The following ACYP2 variants were observed in gnomAD, a reference collection of about 807,000 sequenced individuals.
The protein encoded by ACYP2 is acylphosphatase-2.
A neutral mutation model predicts 11.2 loss-of-function variants in ACYP2; 12 were observed. The ratio of observed to expected loss-of-function variants is 1.08; its 90% CI spans 0.69 to 1.74. The LOEUF is 1.74. Among genes scored for constraint, ACYP2 ranks in the 40% most tolerant of loss-of-function variants. The probability of loss-of-function intolerance (pLI) is 0.00; values close to 1 mark genes in which losing one functional copy is unlikely to be tolerated. For missense variants in ACYP2, 134 were observed against 101.9 expected (o/e 1.31, Z -1.35); for synonymous variants, 43 against 32.2 (o/e 1.33, Z -1.13).
chr2:54,228,876 G>T (rs1320013439), intron 6 of ACYP2, among the ~76,000 whole-genome samples: 3 of 152,056 alleles, frequency 2.0e-5, no homozygotes, highest in Non-Finnish European at 4.4e-5. Flanking sequence ...GGGATACAGG[G>T]CAAGGAAACT....
chr2:54,209,983 A>C (rs1221725680), intron 6 of ACYP2, among the ~76,000 whole-genome samples: 4 of 152,100 alleles, frequency 2.6e-5, no homozygotes, highest in Non-Finnish European at 5.9e-5. Context: ...TCTACTAAAA[A>C]TACAAAAATT....
At chr2:54,275,267 C>A (rs1047843478) in intron 6 of ACYP2, among the ~76,000 whole-genome samples, 3 of 152,200 alleles carry the variant, frequency 2.0e-5, no homozygotes, top group Non-Finnish European at 2.9e-5. Flanking sequence ...AGCAGCCAGA[C>A]TAATATGAAC....
chr2:53,971,233 T>A lies in ACYP2; in HGVS notation c.-125T>A, dbSNP rs972653540. 30 of 157,328 alleles carry A rather than the reference T, an allele frequency of 1.9e-4. No individual in the cohort carries two copies. The highest frequency in any genetic ancestry group is 7.0e-4 in the African/African-American group (29 of 41,634). 9.7% of individuals were successfully genotyped at this position (157,328 alleles called of 1,614,324 possible). On this transcript the variant is annotated 5_prime_UTR_variant, in exon 1 of 7. Transcript: ENST00000607452. ...GCCTCACCGGAAACACGAGGCCGAATTCCAAGCTATTGTCCTGCTTCGCCG... is the reference window on the plus strand; with the variant it reads ...GCCTCACCGGAAACACGAGGCCGAAATCCAAGCTATTGTCCTGCTTCGCCG...
intron 6 of ACYP2, chr2:54,256,340 C>T (rs770726901): frequency 1.6e-5 from 10 of 622,304 alleles, no homozygotes; most frequent in Non-Finnish European, 2.3e-5. Context: ...GGTGTCTTTA[C>T]GTCTTTGTTA....
intron 6 of ACYP2, among the ~76,000 whole-genome samples, chr2:54,212,677 T>A (rs1176432972): frequency 1.3e-5 from 2 of 152,264 alleles, no homozygotes; most frequent in Admixed American, 1.3e-4. Context: ...TCCTCATTAG[T>A]CAGCTCACCC....
intron 6 of ACYP2, among the ~76,000 whole-genome samples, chr2:54,233,307 T>G (rs954179016): frequency 1.7e-4 from 25 of 144,710 alleles, no homozygotes; most frequent in African/African-American, 6.0e-4. Context: ...CTTCCAAACT[T>G]TTTTTTTTTT....
intron 2 of ACYP2, among the ~76,000 whole-genome samples, chr2:53,976,487 G>T (rs375203894): frequency 6.6e-6 from 1 of 152,152 alleles, no homozygotes; most frequent in Non-Finnish European, 1.5e-5. Context: ...GATTACAGGG[G>T]TTAGCCACCA....
At chr2:54,277,476 G>A (rs1688649139) in intron 6 of ACYP2, among the ~76,000 whole-genome samples, 1 of 152,044 alleles carries the variant, frequency 6.6e-6, no homozygotes, top group South Asian at 2.1e-4. Flanking sequence ...TCAGGAGTTC[G>A]AGACCAGCCT....
intron 2 of ACYP2, among the ~76,000 whole-genome samples, chr2:54,042,963 C>T (rs1675317158): frequency 6.6e-6 from 1 of 152,184 alleles, no homozygotes; most frequent in Non-Finnish European, 1.5e-5. Flanking sequence ...AATGCTCTGT[C>T]TACCTTGCTC....
intron 6 of ACYP2, among the ~76,000 whole-genome samples, chr2:54,163,293 A>G (rs1572874959): frequency 6.6e-6 from 1 of 152,166 alleles, no homozygotes; most frequent in Non-Finnish European, 1.5e-5. Context: ...TTCCTTTTCA[A>G]TCACAGTGGG....
chr2:54,202,493 T>G (rs894538182), intron 6 of ACYP2, among the ~76,000 whole-genome samples: 1 of 145,942 alleles, frequency 6.9e-6, no homozygotes, highest in Non-Finnish European at 1.5e-5. Context: ...CTGCAACCTC[T>G]GCCTCCCGGG....
chr2:54,052,110 TGAG>T (rs1272031854), intron 3 of ACYP2, among the ~76,000 whole-genome samples: 1 of 150,704 alleles, frequency 6.6e-6, no homozygotes, highest in Non-Finnish European at 1.5e-5. Flanking sequence ...ATGAAGAGGA[TGAG>T]GAGAAGGAGG....
At position 54,089,734 on chromosome 2, in the gene ACYP2, G is replaced by A. The variant is rs184514548; in HGVS notation, c.277+32374G>A. On this transcript the variant is annotated intron_variant, in intron 4 of 6. Transcript: ENST00000607452. Reference sequence around the variant, plus strand: ...CAGCCTGGGCAACAGAGTGAGACGCGGTCCCAAAACCAAACAGCAATTACT... The same window carrying A: ...CAGCCTGGGCAACAGAGTGAGACGCAGTCCCAAAACCAAACAGCAATTACT... Among the ~76,000 whole-genome samples the A allele has an allele frequency of 1.2e-3, 184 of 150,506 alleles. 1 individual carries two copies. The highest frequency in any genetic ancestry group is 4.3e-3 in the African/African-American group (178 of 40,944).
rs149984468 is a variant in ACYP2, at chr2:54,044,251, A to C, written c.63-6707A>C. On this transcript the variant is annotated intron_variant, in intron 2 of 6. Coordinates refer to ENST00000607452, the MANE Select transcript of ACYP2 (RefSeq NM_001320586.2). The stretch of plus-strand genomic sequence containing the variant: ...GAATATGTCATCCTCTCAGCTCCAG[A>C]CTTTCCACTGAATAAAGGTGCCAAG... Among the ~76,000 whole-genome samples, 51 of 152,274 alleles carry C rather than the reference A, an allele frequency of 3.3e-4. No individual in the cohort carries two copies. In the East Asian group the frequency reaches 8.3e-3, roughly 25 times the overall value.
intron 4 of ACYP2, among the ~76,000 whole-genome samples, chr2:54,097,068 A>G (rs1376732100): frequency 1.3e-5 from 2 of 152,196 alleles, no homozygotes; most frequent in Non-Finnish European, 2.9e-5. Flanking sequence ...TAATCCATGA[A>G]CATAATTAAA....
intron 2 of ACYP2, among the ~76,000 whole-genome samples, chr2:54,004,404 C>CT (rs1168703943): frequency 0.079 from 7,269 of 91,964 alleles, 277 homozygotes; most frequent in African/African-American, 0.11. Context: ...GTAGTTTAGC[C>CT]TTTTTTTTTT....
At chr2:54,043,183 C>T (rs1675336607) in intron 2 of ACYP2, among the ~76,000 whole-genome samples, 1 of 152,038 alleles carries the variant, frequency 6.6e-6, no homozygotes, top group East Asian at 1.9e-4. Context: ...TCAGGATTGC[C>T]AAACCCCAGA....
chr2:54,218,426 A>T (rs1316805782), intron 6 of ACYP2, among the ~76,000 whole-genome samples: 1 of 152,220 alleles, frequency 6.6e-6, no homozygotes, highest in Non-Finnish European at 1.5e-5. Context: ...CTTGTATTCA[A>T]TTGACAGCTT....
chr2:54,106,863 C>A (rs749916869), intron 4 of ACYP2, among the ~76,000 whole-genome samples: 1 of 152,116 alleles, frequency 6.6e-6, no homozygotes, highest in African/African-American at 2.4e-5. Flanking sequence ...GGATTACAAG[C>A]GTGAGCCACC....
Sources: allele counts gnomAD v4.1 joint callset (sites outside exome capture counted in the v4.1 genomes callset), GRCh38; gene constraint gnomAD v4.1.1; transcripts MANE v1.5; gene names NCBI Gene and HGNC (gene_info 2026-07-23, HGNC 2026-07-21).